SAMMSON: variants seen among roughly 807,000 people sequenced by gnomAD.
SAMMSON encodes long intergenic non-protein coding RNA 1212.
chr3:70,419,443 T>A (rs1473972793), intron 2 of SAMMSON, among the ~76,000 whole-genome samples: 2 of 152,180 alleles, frequency 1.3e-5, no homozygotes, highest in Non-Finnish European at 2.9e-5. Flanking sequence ...CCTGCATAGT[T>A]ATTGTTCCCA....
chr3:70,278,701 C>G (rs1424360357), intron 6 of SAMMSON, among the ~76,000 whole-genome samples: 3 of 152,056 alleles, frequency 2.0e-5, no homozygotes, highest in Non-Finnish European at 4.4e-5. Flanking sequence ...CATATCCAAC[C>G]TGGTTGGAAC....
intron 7 of SAMMSON, among the ~76,000 whole-genome samples, chr3:70,292,550 T>C (rs1702248715): frequency 6.6e-6 from 1 of 152,184 alleles, no homozygotes; most frequent in South Asian, 2.1e-4. Flanking sequence ...TAAAAAAGGA[T>C]AGTTTATAAA....
chr3:70,066,791 G>C (rs1387216282), intron 3 of SAMMSON, among the ~76,000 whole-genome samples: 1 of 151,996 alleles, frequency 6.6e-6, no homozygotes, highest in East Asian at 1.9e-4. Flanking sequence ...AGGTAGGGGC[G>C]GCTTTACCTT....
At chr3:70,375,069 T>G (rs1703002422) in intron 9 of SAMMSON, among the ~76,000 whole-genome samples, 1 of 152,104 alleles carries the variant, frequency 6.6e-6, no homozygotes, top group South Asian at 2.1e-4. Flanking sequence ...AAGTCCAGAG[T>G]TTTTAGCTGT....
intron 4 of SAMMSON, among the ~76,000 whole-genome samples, chr3:70,105,755 A>T (rs751982697): frequency 2.0e-5 from 3 of 152,232 alleles, no homozygotes; most frequent in Non-Finnish European, 4.4e-5. Flanking sequence ...TAAGGGTGTC[A>T]GCGTGGCAGG....
At chr3:70,276,700 TTTTG>T (rs1470281121) in intron 6 of SAMMSON, among the ~76,000 whole-genome samples, 36 of 152,330 alleles carry the variant, frequency 2.4e-4, no homozygotes, top group Admixed American at 1.3e-4. Flanking sequence ...GTAAGTCAAG[TTTTG>T]TTGGAACACA....
intron 2 of SAMMSON, among the ~76,000 whole-genome samples, chr3:70,426,797 A>G (rs1463586541): frequency 1.3e-5 from 2 of 152,176 alleles, no homozygotes; most frequent in East Asian, 3.8e-4. Flanking sequence ...TGAAGATTCA[A>G]CTATAGAAAG....
chr3:70,196,719 T>G (rs12637141), intron 4 of SAMMSON, among the ~76,000 whole-genome samples: 19,456 of 152,250 alleles, frequency 0.13, 2,000 homozygotes, highest in East Asian at 0.56. Context: ...AATCTTATTT[T>G]TCAGTGAGCC....
At chr3:70,421,179 A>G (rs1207025740) in intron 2 of SAMMSON, among the ~76,000 whole-genome samples, 1 of 152,152 alleles carries the variant, frequency 6.6e-6, no homozygotes, top group Non-Finnish European at 1.5e-5. Context: ...ATTTCTTAGT[A>G]TAATATAAGT....
At chr3:70,384,095 T>C (rs1429311005) in intron 9 of SAMMSON, among the ~76,000 whole-genome samples, 1 of 151,858 alleles carries the variant, frequency 6.6e-6, no homozygotes, top group African/African-American at 2.4e-5. Flanking sequence ...CTAAAAAAAA[T>C]TACCCAGGGC....
At chr3:70,073,865 T>C (rs2067238699) in intron 4 of SAMMSON, among the ~76,000 whole-genome samples, 1 of 152,076 alleles carries the variant, frequency 6.6e-6, no homozygotes, top group Admixed American at 6.6e-5. Context: ...TCAAAAGATA[T>C]TATCTGTGTC....
chr3:70,113,186 T>C (rs184336724), intron 4 of SAMMSON, among the ~76,000 whole-genome samples: 1 of 152,294 alleles, frequency 6.6e-6, no homozygotes, highest in Admixed American at 6.5e-5. Flanking sequence ...TTATGAAGTT[T>C]TATCACACCA....
chr3:70,411,513 A>G (rs766580400), intron 2 of SAMMSON, among the ~76,000 whole-genome samples: 3 of 152,064 alleles, frequency 2.0e-5, no homozygotes, highest in Non-Finnish European at 4.4e-5. Flanking sequence ...GGTTCTTGTG[A>G]TGTTAACTGG....
intron 3 of SAMMSON, chr3:70,013,846 A>G (rs963625520): frequency 2.0e-5 from 3 of 152,264 alleles, no homozygotes; most frequent in Non-Finnish European, 2.9e-5. Flanking sequence ...TACTGCGCCT[A>G]TAAGTTGAAA....
chr3:70,382,358 G>C (rs1297620443), intron 9 of SAMMSON, among the ~76,000 whole-genome samples: 2 of 151,936 alleles, frequency 1.3e-5, no homozygotes, highest in Non-Finnish European at 2.9e-5. Context: ...CCTAACTCAA[G>C]AAACTGATCT....
chr3:70,051,753 A>C (rs1559781335), intron 3 of SAMMSON, among the ~76,000 whole-genome samples: 1 of 148,394 alleles, frequency 6.7e-6, no homozygotes, highest in Admixed American at 6.8e-5. Flanking sequence ...ATGTTGGTGG[A>C]GTTCTGACAT....
At chr3:70,279,925 A>G (rs1433860390) in intron 6 of SAMMSON, among the ~76,000 whole-genome samples, 1 of 152,182 alleles carries the variant, frequency 6.6e-6, no homozygotes, top group Non-Finnish European at 1.5e-5. Context: ...ATATTGCTTG[A>G]GATCCTGTCT....
intron 4 of SAMMSON, among the ~76,000 whole-genome samples, chr3:70,129,179 C>T (rs761647306): frequency 1.3e-5 from 2 of 152,132 alleles, no homozygotes; most frequent in Non-Finnish European, 2.9e-5. Context: ...TCTTTTGTAA[C>T]TGATAAGCTT....
At chr3:70,011,226 A>G (rs1019641429) in intron 1 of SAMMSON, among the ~76,000 whole-genome samples, 1 of 152,068 alleles carries the variant, frequency 6.6e-6, no homozygotes. Context: ...TTATTTATAT[A>G]TTGTCTATGG....
Sources: gnomAD v4.1 joint callset for allele counts (sites outside exome capture counted in the v4.1 genomes callset) on GRCh38, gnomAD v4.1.1 for gene constraint, MANE v1.5 for transcripts, NCBI Gene and HGNC (gene_info 2026-07-23, HGNC 2026-07-21) for gene names.